Variants in PTPRJ observed in about 807,000 individuals in gnomAD.
PTPRJ encodes protein tyrosine phosphatase receptor type J.
Under a neutral mutation model 141.3 loss-of-function variants are expected in PTPRJ, and 129 were observed. That is an observed-to-expected ratio of 0.91 (90% CI 0.79 to 1.06). The LOEUF is 1.06. Ranked by LOEUF, PTPRJ falls within the 50% of genes least tolerant of loss-of-function variation. The pLI, the probability that PTPRJ is intolerant of heterozygous loss-of-function variation, is 0.00. For synonymous variants in PTPRJ, 610 were observed against 640.5 expected (o/e 0.95, Z 0.72); for missense variants, 1,601 against 1,679.7 (o/e 0.95, Z 0.82).
chr11:48,143,042 C>T lies in PTPRJ; in HGVS notation c.2567C>T (p.Thr856Ile), dbSNP rs1315021252. Reference protein sequence around the residue: ...PIKAYAVILTTGEAGHPSADV... With the variant: ...PIKAYAVILTIGEAGHPSADV... Reference sequence around the variant, plus strand: ...AAAGCCTATGCTGTCATTCTCACCACCGGGGAAGGTAAGGAGAGGCCTCCG... The same window carrying T: ...AAAGCCTATGCTGTCATTCTCACCATCGGGGAAGGTAAGGAGAGGCCTCCG... The change falls in exon 12 of 25, where the codon ACC becomes ATC. Residue 856 changes from threonine to isoleucine, a missense_variant. Physicochemically the swap from Thr to Ile is moderately conservative, Grantham distance 89. Transcript: ENST00000418331. 1.2e-6 allele frequency: 2 copies of T among 1,613,964 alleles called. No homozygotes were observed. Among genetic ancestry groups the T allele is most frequent in the Non-Finnish European group, 1.7e-6 (2 of 1,179,974 alleles).
chr11:48,108,687 T>C (rs983597017), intron 1 of PTPRJ, among the ~76,000 whole-genome samples: 2 of 152,224 alleles, frequency 1.3e-5, no homozygotes, highest in Non-Finnish European at 2.9e-5. Flanking sequence ...GCCTCTCTCC[T>C]ATGATCCATC....
chr11:48,132,489 T>G (rs997891486), intron 8 of PTPRJ: 1 of 983,866 alleles, frequency 1.0e-6, no homozygotes, highest in African/African-American at 1.7e-5. Context: ...TTTGAAATAA[T>G]TGTTTTTTGG....
chr11:48,098,517 CTT>C (rs762125208), intron 1 of PTPRJ, among the ~76,000 whole-genome samples: 1 of 36,340 alleles, frequency 2.8e-5, no homozygotes, highest in African/African-American at 5.8e-5. Flanking sequence ...CATTTTATCT[CTT>C]TTTTTTTTTT....
At chr11:48,146,777 CTT>C in intron 14 of PTPRJ, 97 bp from the exon 15 acceptor site, 1 of 859,464 alleles carries the variant, frequency 1.2e-6, no homozygotes, top group East Asian at 2.4e-5. Context: ...GGTATACACA[CTT>C]TAACTCTCTG....
chr11:47,990,925 C>T (rs1279246208), intron 1 of PTPRJ, among the ~76,000 whole-genome samples: 17 of 151,848 alleles, frequency 1.1e-4, no homozygotes, highest in South Asian at 2.1e-4. Context: ...ATGATCCGCC[C>T]GCCTCAGCCT....
At chr11:48,096,145 C>A (rs1272718037) in intron 1 of PTPRJ, among the ~76,000 whole-genome samples, 1 of 152,162 alleles carries the variant, frequency 6.6e-6, no homozygotes, top group Non-Finnish European at 1.5e-5. Flanking sequence ...ACCCATTGTG[C>A]CTTTTAAGTG....
At chr11:48,000,837 CT>C (rs1336754965) in intron 1 of PTPRJ, among the ~76,000 whole-genome samples, 2 of 152,044 alleles carry the variant, frequency 1.3e-5, no homozygotes, top group Non-Finnish European at 2.9e-5. Flanking sequence ...GTGGGACCCC[CT>C]ATGTCTGATT....
intron 7 of PTPRJ, among the ~76,000 whole-genome samples, chr11:48,128,982 A>G (rs1330373405): frequency 6.6e-6 from 1 of 152,252 alleles, no homozygotes; most frequent in Admixed American, 6.5e-5. Flanking sequence ...TTCAGCCACG[A>G]ATAACACCAC....
intron 1 of PTPRJ, among the ~76,000 whole-genome samples, chr11:48,101,644 T>C (rs527555687): frequency 6.6e-6 from 1 of 152,280 alleles, no homozygotes; most frequent in Admixed American, 6.5e-5. Context: ...GGACTGAATA[T>C]ACACCCAGCT....
At chr11:48,004,503 A>C (rs1302368853) in intron 1 of PTPRJ, among the ~76,000 whole-genome samples, 1 of 152,138 alleles carries the variant, frequency 6.6e-6, no homozygotes, top group East Asian at 1.9e-4. Flanking sequence ...TCTTTCCTTA[A>C]AGGAGGCTCC....
rs571654497 is a variant in PTPRJ, at chr11:48,131,145, T to C, written c.1615+429T>C. 5.4e-5 allele frequency among the ~76,000 whole-genome samples: 8 copies of C among 147,122 alleles called. No homozygotes were observed. The South Asian group carries it at 1.8e-3, about 32-fold the overall frequency. ...CAGGCTGGAGTGCAGTGGCATGATC[T>C]TGGCTCACTGCAACCTCCATCTCCT... On this transcript the variant is annotated intron_variant, in intron 8 of 24. Coordinates refer to ENST00000418331, the MANE Select transcript of PTPRJ (RefSeq NM_002843.4).
intron 1 of PTPRJ, among the ~76,000 whole-genome samples, chr11:48,063,803 G>C (rs995658554): frequency 6.6e-5 from 10 of 152,094 alleles, no homozygotes; most frequent in African/African-American, 2.2e-4. Flanking sequence ...GGGGAAGGAG[G>C]TTCCCCTTGG....
chr11:48,070,390 T>C (rs1855213694), intron 1 of PTPRJ, among the ~76,000 whole-genome samples: 1 of 150,968 alleles, frequency 6.6e-6, no homozygotes, highest in African/African-American at 2.4e-5. Flanking sequence ...TAATCCCAGC[T>C]ACTAGGGAGG....
chr11:48,128,388 C>T (rs370345453), intron 7 of PTPRJ, among the ~76,000 whole-genome samples: 15 of 152,150 alleles, frequency 9.9e-5, no homozygotes, highest in Non-Finnish European at 1.6e-4. Flanking sequence ...TGAATTGATA[C>T]AGGGAGACAA....
At chr11:47,990,079 C>T (rs1360057490) in intron 1 of PTPRJ, among the ~76,000 whole-genome samples, 3 of 152,092 alleles carry the variant, frequency 2.0e-5, no homozygotes, top group Non-Finnish European at 4.4e-5. Context: ...TGAAGAGTTA[C>T]ATCAGAAGAG....
chr11:48,047,773 A>C (rs1854448559), intron 1 of PTPRJ, among the ~76,000 whole-genome samples: 2 of 152,176 alleles, frequency 1.3e-5, no homozygotes, highest in Admixed American at 6.5e-5. Flanking sequence ...TAAGTCTGGA[A>C]ATTCCAAGTT....
intron 1 of PTPRJ, among the ~76,000 whole-genome samples, chr11:48,065,575 CTG>C (rs1208254011): frequency 2.0e-5 from 3 of 152,206 alleles, no homozygotes; most frequent in African/African-American, 7.2e-5. Context: ...GTGTCTTTCT[CTG>C]TGGTGACCTA....
At chr11:47,999,983 A>G (rs764852560) in intron 1 of PTPRJ, among the ~76,000 whole-genome samples, 15 of 150,050 alleles carry the variant, frequency 1.0e-4, no homozygotes, top group Non-Finnish European at 1.9e-4. Context: ...CAGCCTCCTG[A>G]GTATCTGGGA....
In PTPRJ at chr11:48,134,584, A is replaced by AT. The variant is rs202230036; in HGVS notation, c.1616-1447dup. On this transcript the variant is annotated intron_variant, in intron 8 of 24. Transcript: ENST00000418331. The stretch of plus-strand genomic sequence containing the variant: ...GTAGATAGTACGTAAACATGGCACA[A>AT]TTTTTTTTGTTTTTTGGACAAGGTG... 1.9e-3 allele frequency among the ~76,000 whole-genome samples: 283 copies of AT among 152,068 alleles called. 1 individual carries two copies. Among genetic ancestry groups the AT allele is most frequent in the African/African-American group, 5.6e-3 (234 of 41,476 alleles).
Sources: gnomAD v4.1 joint callset for allele counts (sites outside exome capture counted in the v4.1 genomes callset) on GRCh38, gnomAD v4.1.1 for gene constraint, MANE v1.5 for transcripts, NCBI Gene and HGNC (gene_info 2026-07-23, HGNC 2026-07-21) for gene names.